The following AGBL4 variants were observed in gnomAD, a reference collection of about 807,000 sequenced individuals.
The protein encoded by AGBL4 is cytosolic carboxypeptidase 6.
Under a neutral mutation model 66.4 loss-of-function variants are expected in AGBL4, and 58 were observed. The observed-to-expected ratio is 0.87, with a 90% CI of 0.71 to 1.09. The LOEUF is 1.09. Ranked by LOEUF, AGBL4 falls within the 50% of genes least tolerant of loss-of-function variation. AGBL4 has a pLI of 0.00. For missense variants in AGBL4, 579 were observed against 631.0 expected (o/e 0.92, Z 0.88); for synonymous variants, 234 against 222.9 (o/e 1.05, Z -0.44).
chr1:49,439,878 A>G (rs1012837816), intron 3 of AGBL4, among the ~76,000 whole-genome samples: 6 of 152,084 alleles, frequency 3.9e-5, no homozygotes, highest in Non-Finnish European at 2.9e-5. Context: ...TTAATGAAAT[A>G]CACTTTTCAC....
At chr1:49,154,163 C>T (rs1478057801) in intron 4 of AGBL4, among the ~76,000 whole-genome samples, 1 of 152,012 alleles carries the variant, frequency 6.6e-6, no homozygotes, top group African/African-American at 2.4e-5. Flanking sequence ...GAACAATTAA[C>T]GTTGTCTATG....
chr1:49,379,907 G>A (rs1319822524), intron 3 of AGBL4, among the ~76,000 whole-genome samples: 2 of 151,968 alleles, frequency 1.3e-5, no homozygotes, highest in Non-Finnish European at 2.9e-5. Flanking sequence ...ATGAGTCAGG[G>A]AGGATTGGAA....
chr1:49,219,318 C>A (rs1001812591), intron 4 of AGBL4, among the ~76,000 whole-genome samples: 1 of 152,132 alleles, frequency 6.6e-6, no homozygotes, highest in Admixed American at 6.5e-5. Context: ...AGTTTAACTT[C>A]AGGAAAATCT....
intron 3 of AGBL4, among the ~76,000 whole-genome samples, chr1:49,455,799 T>C (rs1450078576): frequency 6.6e-6 from 1 of 151,786 alleles, no homozygotes; most frequent in Non-Finnish European, 1.5e-5. Flanking sequence ...CCTTTGCTCA[T>C]TGTGTTCAAC....
intron 4 of AGBL4, among the ~76,000 whole-genome samples, chr1:49,224,188 G>T (rs926620221): frequency 3.9e-5 from 6 of 152,134 alleles, no homozygotes; most frequent in Admixed American, 3.9e-4. Flanking sequence ...TCATTGGGAA[G>T]TCTATTTCAT....
intron 11 of AGBL4, 48 bp from the exon 12 acceptor site, chr1:48,539,786 G>A (rs1343047163): frequency 8.0e-7 from 1 of 1,255,052 alleles, no homozygotes; most frequent in Admixed American, 2.9e-5. Context: ...GATTGAGACA[G>A]AGTGAAAAGA....
chr1:49,453,686 C>T (rs998116428), intron 3 of AGBL4, among the ~76,000 whole-genome samples: 1 of 151,700 alleles, frequency 6.6e-6, no homozygotes, highest in Non-Finnish European at 1.5e-5. Context: ...AGATAAAGAA[C>T]ATTTAATTAA....
chr1:48,661,570 C>A (rs1166339734), intron 7 of AGBL4, among the ~76,000 whole-genome samples: 2 of 152,214 alleles, frequency 1.3e-5, no homozygotes, highest in Non-Finnish European at 2.9e-5. Context: ...ACCTACAGAA[C>A]GCCATTGAGT....
intron 3 of AGBL4, among the ~76,000 whole-genome samples, chr1:49,266,835 T>C (rs1643932469): frequency 6.6e-6 from 1 of 152,242 alleles, no homozygotes; most frequent in South Asian, 2.1e-4. Context: ...TTAAAAAGTT[T>C]TAACTTTCAC....
rs549624651 is a variant in AGBL4 at position 49,973,453 on chromosome 1, G to A, written c.34+50310C>T. Among the ~76,000 whole-genome samples, 259 of 152,078 alleles carry A rather than the reference G, an allele frequency of 1.7e-3. 1 individual carries two copies. Among genetic ancestry groups the A allele is most frequent in the African/African-American group, 6.1e-3 (252 of 41,510 alleles). Reference sequence around the variant, plus strand: ...TATGTTAAATAGTTCAGATATAGTAGATCACTTCCATAATTGCAGAAAAAT... The same window carrying A: ...TATGTTAAATAGTTCAGATATAGTAAATCACTTCCATAATTGCAGAAAAAT... On this transcript the variant is annotated intron_variant, in intron 1 of 13. Coordinates refer to ENST00000371839, the MANE Select transcript of AGBL4 (RefSeq NM_032785.4).
At chr1:48,690,499 C>A (rs12239251) in intron 6 of AGBL4, among the ~76,000 whole-genome samples, 9,333 of 152,092 alleles carry the variant, frequency 0.061, 919 homozygotes, top group African/African-American at 0.21. Flanking sequence ...GTGTTCAAGC[C>A]CCTCCTTTTC....
intron 12 of AGBL4, among the ~76,000 whole-genome samples, chr1:48,537,019 T>C (rs915869586): frequency 1.3e-5 from 2 of 152,196 alleles, no homozygotes; most frequent in African/African-American, 4.8e-5. Context: ...TAATTATCCA[T>C]GGAGATGGGA....
chr1:48,667,910 A>G (rs1042018221), intron 6 of AGBL4, among the ~76,000 whole-genome samples: 5 of 152,196 alleles, frequency 3.3e-5, no homozygotes, highest in Non-Finnish European at 7.3e-5. Flanking sequence ...ATTCCTCCAG[A>G]CAATGACTTG....
At chr1:49,821,262 G>T (rs1423640732) in intron 2 of AGBL4, among the ~76,000 whole-genome samples, 1 of 152,080 alleles carries the variant, frequency 6.6e-6, no homozygotes, top group Admixed American at 6.6e-5. Flanking sequence ...TATTCAAAAT[G>T]TATCCTCATT....
rs533234372 is a variant in AGBL4, at chr1:48,599,711, G to C, written c.952-8726C>G. Among the ~76,000 whole-genome samples, 3 of 152,342 alleles carry C rather than the reference G, an allele frequency of 2.0e-5. No homozygotes were observed. In the East Asian group the frequency reaches 5.8e-4, roughly 29 times the overall value. On this transcript the variant is annotated intron_variant, in intron 9 of 13. Transcript: ENST00000371839. ...TGGTTTCATGTACAGAAATGGAGAA[G>C]ACTGGGTTGGAGCCCAGCTGGGATA...
intron 3 of AGBL4, among the ~76,000 whole-genome samples, chr1:49,294,496 T>C (rs2148432526): frequency 6.6e-6 from 1 of 152,326 alleles, no homozygotes; most frequent in South Asian, 2.1e-4. Context: ...CAATTCAACA[T>C]CAGCTAAGTC....
chr1:49,298,026 GCTAGCCTAA>G (rs2148438497), intron 3 of AGBL4, among the ~76,000 whole-genome samples: 1 of 152,260 alleles, frequency 6.6e-6, no homozygotes, highest in East Asian at 1.9e-4. Flanking sequence ...CTTTGAATTT[GCTAGCCTAA>G]CCTGGCATCC....
At chr1:48,869,188 G>A (rs576145097) in intron 5 of AGBL4, among the ~76,000 whole-genome samples, 1 of 152,278 alleles carries the variant, frequency 6.6e-6, no homozygotes, top group African/African-American at 2.4e-5. Flanking sequence ...ATTCATTCCA[G>A]TTGACACTTT....
chr1:49,742,142 C>T (rs1476053074), intron 2 of AGBL4, among the ~76,000 whole-genome samples: 1 of 152,016 alleles, frequency 6.6e-6, no homozygotes, highest in African/African-American at 2.4e-5. Flanking sequence ...GATTGTATAT[C>T]TAGAAAACCC....
Sources: allele counts gnomAD v4.1 joint callset (sites outside exome capture counted in the v4.1 genomes callset), GRCh38; gene constraint gnomAD v4.1.1; transcripts MANE v1.5; gene names NCBI Gene and HGNC (gene_info 2026-07-23, HGNC 2026-07-21).